Variants in IQCM observed in about 807,000 individuals in gnomAD.
IQCM encodes IQ motif containing M.
IQCM carries 45 observed loss-of-function variants against 57.6 expected under a neutral mutation model. The observed-to-expected ratio is 0.78, with a 90% confidence interval of 0.62 to 1.00. The LOEUF (loss-of-function observed/expected upper bound fraction) is 1.00. Ranked by LOEUF, IQCM falls within the 50% of genes least tolerant of loss-of-function variation. IQCM has a pLI of 0.00. For missense variants in IQCM, 468 were observed against 511.6 expected (o/e 0.91, Z 0.82); for synonymous variants, 148 against 158.9 (o/e 0.93, Z 0.51).
intron 9 of IQCM, among the ~76,000 whole-genome samples, chr4:149,566,123 T>C (rs1010712366): frequency 6.6e-6 from 1 of 152,166 alleles, no homozygotes; most frequent in Non-Finnish European, 1.5e-5. Context: ...ATATAATAAA[T>C]TTTACAAATG....
chr4:149,566,802 AGAACAATTTATAGAAGT>A (rs1227122045), intron 9 of IQCM, among the ~76,000 whole-genome samples: 3 of 152,228 alleles, frequency 2.0e-5, no homozygotes, highest in African/African-American at 7.2e-5. Context: ...AGAAAAGACA[AGAACAATTTATAGAAGT>A]GAACAATTTA....
chr4:149,579,458 G>A (rs1378603933), intron 9 of IQCM, among the ~76,000 whole-genome samples: 1 of 151,810 alleles, frequency 6.6e-6, no homozygotes, highest in African/African-American at 2.4e-5. Flanking sequence ...CTGCCTATCA[G>A]AGCAGTGTTT....
chr4:149,769,981 C>T (rs925252403), intron 2 of IQCM, among the ~76,000 whole-genome samples: 25 of 150,606 alleles, frequency 1.7e-4, no homozygotes, highest in African/African-American at 5.1e-4. Context: ...CAAGTAAGCA[C>T]AGTAAATAAA....
intron 2 of IQCM, among the ~76,000 whole-genome samples, chr4:149,788,470 T>C (rs1265818387): frequency 6.6e-6 from 1 of 152,238 alleles, no homozygotes; most frequent in Non-Finnish European, 1.5e-5. Context: ...TTAGAACGGC[T>C]ACTGCATAAA....
At chr4:149,696,852 C>T (rs114238143) in intron 5 of IQCM, among the ~76,000 whole-genome samples, 297 of 152,198 alleles carry the variant, frequency 2.0e-3, no homozygotes, top group Non-Finnish European at 3.6e-3. Context: ...TGCATCATGG[C>T]TTCTCATCTT....
chr4:149,696,951 T>A (rs570826046), intron 5 of IQCM, among the ~76,000 whole-genome samples: 4 of 152,160 alleles, frequency 2.6e-5, no homozygotes, highest in Admixed American at 1.3e-4. Flanking sequence ...AAAGGAAAGG[T>A]GGAACAATAA....
chr4:149,560,913 T>C (rs1458274757), intron 10 of IQCM, among the ~76,000 whole-genome samples: 1 of 152,138 alleles, frequency 6.6e-6, no homozygotes, highest in Non-Finnish European at 1.5e-5. Flanking sequence ...CTGTGCACCC[T>C]CTAGAGCAGA....
chr4:149,796,166 C>G (rs530589462), intron 2 of IQCM, among the ~76,000 whole-genome samples: 5 of 152,270 alleles, frequency 3.3e-5, no homozygotes, highest in East Asian at 1.9e-4. Context: ...GCCCTGGGGA[C>G]AGAGGGGAGC....
intron 2 of IQCM, among the ~76,000 whole-genome samples, chr4:149,765,392 G>A (rs1310444778): frequency 6.6e-6 from 1 of 152,162 alleles, no homozygotes; most frequent in East Asian, 1.9e-4. Context: ...CTGTGCTTAT[G>A]AAATCATCTT....
chr4:149,619,615 T>C lies in IQCM; in HGVS notation c.681+1514A>G, dbSNP rs1756139052. Among the ~76,000 whole-genome samples, 4 of 152,138 alleles carry C rather than the reference T, an allele frequency of 2.6e-5. No individual in the cohort carries two copies. The South Asian group carries it at 8.3e-4, about 31-fold the overall frequency. Reference sequence around the variant, plus strand: ...TACAGAAAAAAATAAAAATCCAACATGTGTTATTTAAAATGACAGATTAAG... The same window carrying C: ...TACAGAAAAAAATAAAAATCCAACACGTGTTATTTAAAATGACAGATTAAG... On this transcript the variant is annotated intron_variant, in intron 8 of 13. Coordinates refer to ENST00000636793, the MANE Select transcript of IQCM (RefSeq NM_001363507.2).
chr4:149,440,197 A>G (rs368883799), intron 12 of IQCM, among the ~76,000 whole-genome samples: 107 of 143,156 alleles, frequency 7.5e-4, no homozygotes, highest in African/African-American at 2.6e-3. Context: ...CAAACTCCCA[A>G]CCTCAGGTGA....
At chr4:149,530,065 T>C (rs1484885206) in intron 12 of IQCM, among the ~76,000 whole-genome samples, 3 of 152,050 alleles carry the variant, frequency 2.0e-5, no homozygotes, top group African/African-American at 7.2e-5. Flanking sequence ...ATCAGCATGG[T>C]TCCCTCCCTC....
intron 13 of IQCM, among the ~76,000 whole-genome samples, chr4:149,378,073 C>G (rs774716245): frequency 6.6e-6 from 1 of 152,068 alleles, no homozygotes; most frequent in Non-Finnish European, 1.5e-5. Flanking sequence ...AGAGGAACAC[C>G]CTTTCACTTG....
intron 5 of IQCM, among the ~76,000 whole-genome samples, chr4:149,727,218 T>G (rs1766032168): frequency 6.6e-6 from 1 of 152,182 alleles, no homozygotes; most frequent in South Asian, 2.1e-4. Context: ...TATAATGGAC[T>G]ACCTATTTGA....
chr4:149,713,266 C>T lies in IQCM; in HGVS notation c.385+19978G>A, dbSNP rs1260156273. 5.9e-5 allele frequency among the ~76,000 whole-genome samples: 9 copies of T among 152,286 alleles called. No individual in the cohort carries two copies. The East Asian group carries it at 9.7e-4, about 16-fold the overall frequency. ...ACTACCACCTTTTTACCCTCCCTTG[C>T]CACCTTCACACCTCAGGCAGCTTAA... On this transcript the variant is annotated intron_variant, in intron 5 of 13. Transcript: ENST00000636793.
chr4:149,489,061 C>T (rs372389801), intron 12 of IQCM, among the ~76,000 whole-genome samples: 29 of 152,036 alleles, frequency 1.9e-4, no homozygotes, highest in Non-Finnish European at 2.8e-4. Flanking sequence ...TCATTTGGAA[C>T]GGAGATCTAA....
chr4:149,361,699 G>A (rs569586008), intron 13 of IQCM, among the ~76,000 whole-genome samples: 83 of 152,330 alleles, frequency 5.4e-4, no homozygotes, highest in African/African-American at 1.9e-3. Context: ...AAGATGTATG[G>A]AAATGCCTAG....
At chr4:149,794,641 T>C (rs1190473405) in intron 2 of IQCM, among the ~76,000 whole-genome samples, 1 of 152,006 alleles carries the variant, frequency 6.6e-6, no homozygotes, top group Non-Finnish European at 1.5e-5. Context: ...ATTCATATAA[T>C]AATAAAAAAA....
At chr4:149,797,752 A>C (rs1453406260) in intron 2 of IQCM, among the ~76,000 whole-genome samples, 1 of 152,016 alleles carries the variant, frequency 6.6e-6, no homozygotes, top group Non-Finnish European at 1.5e-5. Context: ...TGGAAACCTG[A>C]CAGACTAGGA....
Sources: gnomAD v4.1 joint callset for allele counts (sites outside exome capture counted in the v4.1 genomes callset) on GRCh38, gnomAD v4.1.1 for gene constraint, MANE v1.5 for transcripts, NCBI Gene and HGNC (gene_info 2026-07-23, HGNC 2026-07-21) for gene names.